Variants in TLK2 observed in about 807,000 individuals in gnomAD.
TLK2 encodes tousled like kinase 2, also known as serine/threonine-protein kinase tousled-like 2.
In TLK2, 6 loss-of-function variants were observed where a neutral mutation model predicts 117.3. The ratio of observed to expected loss-of-function variants is 0.05; its 90% CI spans 0.03 to 0.10. The LOEUF is 0.10. Ranked by LOEUF, TLK2 falls within the 10% of genes least tolerant of loss-of-function variation. The probability of loss-of-function intolerance (pLI) is 1.00; values close to 1 mark genes in which losing one functional copy is unlikely to be tolerated. For synonymous variants in TLK2, 257 were observed against 316.7 expected, an observed-to-expected ratio of 0.81 and a Z score of 2.00; for missense variants, 299 against 901.2, an observed-to-expected ratio of 0.33 and a Z score of 8.56.
At chr17:62,542,627 T>C (rs1478915152) in intron 7 of TLK2, among the ~76,000 whole-genome samples, 1 of 152,224 alleles carries the variant, frequency 6.6e-6, no homozygotes, top group Non-Finnish European at 1.5e-5. Flanking sequence ...ATTATGATTG[T>C]TTCATTGTTT....
Position 62,614,295 on chromosome 17 carries a change from T to G in TLK2, c.*1730T>G, listed in dbSNP as rs916623314. ...TGCCCTTGAAACAGCAGAGCACTCC[T>G]CAGTAGAGAGGGAGGGAGCCAAGAG... is the stretch of plus-strand genomic sequence containing the variant. On this transcript the variant is annotated 3_prime_UTR_variant, in exon 22 of 22. Coordinates refer to ENST00000346027, the MANE Select transcript of TLK2 (RefSeq NM_006852.6). 1 of 152,298 alleles carries G rather than the reference T, an allele frequency of 6.6e-6. No homozygotes were observed. Among genetic ancestry groups the G allele is most frequent in the African/African-American group, 2.4e-5 (1 of 41,556 alleles). 9.4% of individuals were successfully genotyped at this position (152,298 alleles called of 1,614,324 possible).
At chr17:62,601,809 C>A (rs1023944343) in intron 18 of TLK2, among the ~76,000 whole-genome samples, 1 of 152,182 alleles carries the variant, frequency 6.6e-6, no homozygotes, top group African/African-American at 2.4e-5. Flanking sequence ...CAGAGCTCAT[C>A]ATAGTGGTGG....
At chr17:62,610,045 G>A (rs780983882) in intron 21 of TLK2, among the ~76,000 whole-genome samples, 1 of 152,176 alleles carries the variant, frequency 6.6e-6, no homozygotes, top group Non-Finnish European at 1.5e-5. Context: ...ACCCAGAGTC[G>A]ATACTGAGGG....
intron 12 of TLK2, 88 bp downstream of exon 12, chr17:62,573,455 C>A: frequency 1.3e-6 from 2 of 1,530,088 alleles, no homozygotes; most frequent in Non-Finnish European, 8.8e-7. Flanking sequence ...GTTTTAAATT[C>A]TTGAGGTCAC....
At chr17:62,508,568 C>A (rs2074901697) in intron 2 of TLK2, 1 of 984,458 alleles carries the variant, frequency 1.0e-6, no homozygotes, top group African/African-American at 1.8e-5. Flanking sequence ...TGAGGACTTA[C>A]AAAAAGAAAA....
intron 11 of TLK2, 164 bp from the exon 12 acceptor site, chr17:62,573,051 A>G (rs1381038806): frequency 1.6e-5 from 11 of 676,682 alleles, no homozygotes; most frequent in East Asian, 1.1e-4. Flanking sequence ...TCTATCACCA[A>G]TTATTTGGCC....
chr17:62,485,263 A>T (rs1248925852), intron 2 of TLK2, among the ~76,000 whole-genome samples: 1 of 152,238 alleles, frequency 6.6e-6, no homozygotes, highest in Non-Finnish European at 1.5e-5. Flanking sequence ...GAAGAAAGTC[A>T]GTGCCACTGT....
chr17:62,527,714 A>G (rs2076465593), intron 6 of TLK2, among the ~76,000 whole-genome samples: 1 of 151,678 alleles, frequency 6.6e-6, no homozygotes, highest in Admixed American at 6.6e-5. Context: ...ATTTTGTACT[A>G]TATAATTAGT....
intron 2 of TLK2, among the ~76,000 whole-genome samples, chr17:62,490,912 A>G (rs560039670): frequency 2.0e-4 from 31 of 152,148 alleles, no homozygotes; most frequent in Admixed American, 1.5e-3. Context: ...TTTATTTTTA[A>G]ATTTTAACTT....
In TLK2 at chr17:62,478,900, C is replaced by G. The variant is rs1013321299; in HGVS notation, c.-396C>G. 3 of 152,408 alleles carry G rather than the reference C, an allele frequency of 2.0e-5. No individual in the cohort carries two copies. The Admixed American group carries it at 2.0e-4, about 10-fold the overall frequency. 9.4% of individuals were successfully genotyped at this position (152,408 alleles called of 1,614,324 possible). On this transcript the variant is annotated 5_prime_UTR_variant, in exon 1 of 22. Coordinates refer to ENST00000346027, the MANE Select transcript of TLK2 (RefSeq NM_006852.6). ...CTGGGCACCAGCGGTTCCGACCCCC[C>G]CGCCCTCCGCGCCGCACCCGAGTGG...
chr17:62,496,829 C>T (rs572036202), intron 2 of TLK2, among the ~76,000 whole-genome samples: 4 of 151,582 alleles, frequency 2.6e-5, no homozygotes, highest in Admixed American at 6.6e-5. Flanking sequence ...TGGTGGCAGG[C>T]GCCTGTAGTC....
chr17:62,555,486 T>A (rs1159231008), intron 9 of TLK2, among the ~76,000 whole-genome samples: 3 of 149,254 alleles, frequency 2.0e-5, no homozygotes, highest in African/African-American at 4.9e-5. Flanking sequence ...ATTATTAATT[T>A]TTTTTTTTTT....
At chr17:62,594,357 G>A (rs1412163444) in intron 16 of TLK2, among the ~76,000 whole-genome samples, 1 of 152,158 alleles carries the variant, frequency 6.6e-6, no homozygotes, top group Non-Finnish European at 1.5e-5. Flanking sequence ...ACAGTGAGCT[G>A]TGATCGCGCC....
At chr17:62,482,308 C>G (rs2071757707) in intron 2 of TLK2, among the ~76,000 whole-genome samples, 1 of 152,042 alleles carries the variant, frequency 6.6e-6, no homozygotes, top group Non-Finnish European at 1.5e-5. Flanking sequence ...TCAAGAAATC[C>G]TGTCTCATGG....
At chr17:62,533,601 C>T (rs1445476081) in intron 6 of TLK2, among the ~76,000 whole-genome samples, 2 of 151,702 alleles carry the variant, frequency 1.3e-5, no homozygotes, top group East Asian at 1.9e-4. Flanking sequence ...CTCAGCTTCC[C>T]GAGTAGCTGG....
At chr17:62,572,382 A>G (rs1327172458) in intron 11 of TLK2, among the ~76,000 whole-genome samples, 3 of 151,744 alleles carry the variant, frequency 2.0e-5, no homozygotes, top group African/African-American at 7.3e-5. Context: ...GTAAACCTTA[A>G]TATCTGTTAG....
chr17:62,554,167 T>G (rs972797457), intron 9 of TLK2, among the ~76,000 whole-genome samples: 3 of 152,242 alleles, frequency 2.0e-5, no homozygotes, highest in African/African-American at 7.2e-5. Flanking sequence ...CCAAACTTTT[T>G]TGTGCTTACA....
At chr17:62,599,496 C>G (rs1290691989) in intron 17 of TLK2, among the ~76,000 whole-genome samples, 2 of 152,162 alleles carry the variant, frequency 1.3e-5, no homozygotes, top group Non-Finnish European at 2.9e-5. Context: ...CATTGGTGTT[C>G]TGTTGGTTTC....
chr17:62,554,157 C>T (rs1213473493), intron 9 of TLK2, among the ~76,000 whole-genome samples: 1 of 152,140 alleles, frequency 6.6e-6, no homozygotes, highest in Non-Finnish European at 1.5e-5. Flanking sequence ...ACCTACTCAC[C>T]CAAACTTTTT....
Sources: allele counts gnomAD v4.1 joint callset (sites outside exome capture counted in the v4.1 genomes callset), GRCh38; gene constraint gnomAD v4.1.1; transcripts MANE v1.5; gene names NCBI Gene and HGNC (gene_info 2026-07-23, HGNC 2026-07-21).